The following STEAP2 variants were observed in gnomAD, a reference collection of about 807,000 sequenced individuals.
STEAP2 encodes metalloreductase STEAP2.
STEAP2 carries 30 observed loss-of-function variants against 46.4 expected under a neutral mutation model. The observed-to-expected ratio is 0.65, with a 90% CI of 0.48 to 0.88. The LOEUF (loss-of-function observed/expected upper bound fraction) is 0.88. STEAP2 is among the 40% of genes least tolerant of loss of function. The probability of loss-of-function intolerance (pLI) is 0.00; values close to 1 mark genes in which losing one functional copy is unlikely to be tolerated. For missense variants in STEAP2, 513 were observed against 579.3 expected (o/e 0.89, Z 1.18); for synonymous variants, 180 against 200.5 (o/e 0.90, Z 0.86).
rs1379802002 is a variant in STEAP2, at chr7:90,232,621, G to A, written c.1470G>A (p.Met490Ile). ...PHVSPERVTVM is the reference protein window; with the variant it reads ...PHVSPERVTVI ...TCTCCCCGGAGAGGGTCACAGTAAT[G>A]TGATGACAAATGGTGTTCACAGCTG... The change falls in exon 6 of 6, where the codon ATG becomes ATA. Residue 490 changes from methionine to isoleucine, a missense_variant. Coordinates refer to ENST00000394621, the MANE Select transcript of STEAP2 (RefSeq NM_001244944.2). 6.2e-7 allele frequency: 1 copy of A among 1,606,456 alleles called. No individual in the cohort carries two copies. The highest frequency in any genetic ancestry group is 8.5e-7 in the Non-Finnish European group (1 of 1,175,960).
At chr7:90,220,284 T>G (rs534044191) in intron 2 of STEAP2, among the ~76,000 whole-genome samples, 2 of 151,922 alleles carry the variant, frequency 1.3e-5, no homozygotes, top group East Asian at 3.9e-4. Context: ...TTGTTGGGAG[T>G]TTTTTAATTA....
rs1194179619 is a variant in STEAP2, at chr7:90,235,970, CTTGA to C, written c.*3349_*3352del. On this transcript the variant is annotated 3_prime_UTR_variant, in exon 6 of 6. Coordinates refer to ENST00000394621, the MANE Select transcript of STEAP2 (RefSeq NM_001244944.2). ...TTCTTATAAAGCAGCATAACCTTGGCTTGATTAAGGAATTCTACTTTCAAAAATT... is the reference window on the plus strand; with the variant it reads ...TTCTTATAAAGCAGCATAACCTTGGCTTAAGGAATTCTACTTTCAAAAATT... 1.3e-5 allele frequency: 13 copies of C among 983,376 alleles called. No individual in the cohort carries two copies. In the African/African-American group the frequency reaches 2.3e-4, roughly 17 times the overall value. 60.9% of individuals were successfully genotyped at this position (983,376 alleles called of 1,614,324 possible).
chr7:90,235,022 CA>C lies in STEAP2; in HGVS notation c.*2400del. 3 of 957,984 alleles carry C rather than the reference CA, an allele frequency of 3.1e-6. No homozygotes were observed. The highest frequency in any genetic ancestry group is 2.5e-6 in the Non-Finnish European group (2 of 804,830). 59.3% of individuals were successfully genotyped at this position (957,984 alleles called of 1,614,324 possible). On this transcript the variant is annotated 3_prime_UTR_variant, in exon 6 of 6. Coordinates refer to ENST00000394621, the MANE Select transcript of STEAP2 (RefSeq NM_001244944.2). The stretch of plus-strand genomic sequence containing the variant: ...ACTAATGAAAATAACAGCGTATTTT[CA>C]ATATTTTCTTATTCCTTAAATTCCA...
intron 2 of STEAP2, among the ~76,000 whole-genome samples, chr7:90,223,064 C>T (rs1445115442): frequency 6.6e-6 from 1 of 152,142 alleles, no homozygotes; most frequent in Non-Finnish European, 1.5e-5. Context: ...AGTCTCTCAA[C>T]TAAAAAATAA....
At chr7:90,241,087 C>T (rs1039878608), downstream of STEAP2, among the ~76,000 whole-genome samples, 1 of 152,092 alleles carries the variant, frequency 6.6e-6, no homozygotes, top group Non-Finnish European at 1.5e-5. Flanking sequence ...GGAAAATCCA[C>T]GAATGGAATA....
At position 90,225,041 on chromosome 7, in the gene STEAP2, C is replaced by T; in HGVS notation, c.-33-9C>T. 9 of 1,576,794 alleles carry T rather than the reference C, an allele frequency of 5.7e-6. No homozygotes were observed. Among genetic ancestry groups the T allele is most frequent in the Non-Finnish European group, 7.7e-6 (9 of 1,163,182 alleles). On this transcript the variant is annotated splice_polypyrimidine_tract_variant and intron_variant, in intron 2 of 5. Coordinates refer to ENST00000394621, the MANE Select transcript of STEAP2 (RefSeq NM_001244944.2). ...GTAACTGATGACCATTTTATTTTCT[C>T]TCCCCTAGGATATTCTTGGTGATCT...
intron 2 of STEAP2, among the ~76,000 whole-genome samples, chr7:90,220,917 T>C (rs955871594): frequency 5.9e-5 from 9 of 152,140 alleles, no homozygotes; most frequent in Non-Finnish European, 1.5e-5. Flanking sequence ...GTTTAATCAT[T>C]TATTTTTACA....
At chr7:90,226,601 A>G (rs564872505) in intron 3 of STEAP2, among the ~76,000 whole-genome samples, 2 of 152,314 alleles carry the variant, frequency 1.3e-5, no homozygotes, top group East Asian at 3.9e-4. Flanking sequence ...GTAAATAGAA[A>G]CATGCAAATA....
At position 90,227,179 on chromosome 7, in the gene STEAP2, A is replaced by T. The variant is rs373117625; in HGVS notation, c.701A>T (p.Asp234Val). 1.2e-6 allele frequency: 2 copies of T among 1,613,588 alleles called. No homozygotes were observed. The highest frequency in any genetic ancestry group is 1.7e-6 in the Non-Finnish European group (2 of 1,179,834). ...TTTTTCCTTTATTCCTTTGTCAGAG[A>T]TGTGATTCATCCATATGCTAGAAAC... is the stretch of plus-strand genomic sequence containing the variant. ...TFFFLYSFVR[D>V]VIHPYARNQQ... The change falls in exon 4 of 6, where the codon GAT becomes GTT. Residue 234 changes from aspartate to valine, a missense_variant. Transcript: ENST00000394621.
rs1329770410 is a variant in STEAP2 at position 90,233,920 on chromosome 7, A to G, written c.*1296A>G. 4 of 985,218 alleles carry G rather than the reference A, an allele frequency of 4.1e-6. No homozygotes were observed. The highest frequency in any genetic ancestry group is 4.8e-6 in the Non-Finnish European group (4 of 829,882). 61.0% of individuals were successfully genotyped at this position (985,218 alleles called of 1,614,324 possible). On this transcript the variant is annotated 3_prime_UTR_variant, in exon 6 of 6. Coordinates refer to ENST00000394621, the MANE Select transcript of STEAP2 (RefSeq NM_001244944.2). ...ATAAACTTATTACTGCTTGTAGGGT[A>G]ATTCACAGTTACTTACCCTATTCTT...
chr7:90,234,909 C>A lies in STEAP2; in HGVS notation c.*2285C>A. 1 of 985,008 alleles carries A rather than the reference C, an allele frequency of 1.0e-6. No individual in the cohort carries two copies. Among genetic ancestry groups the A allele is most frequent in the Non-Finnish European group, 1.2e-6 (1 of 829,656 alleles). 61.0% of individuals were successfully genotyped at this position (985,008 alleles called of 1,614,324 possible). ...TTTTCTTTATTTTAATAATATTTCTCCCCACTTGAGAATCACTTGTTAGTT... is the reference window on the plus strand; with the variant it reads ...TTTTCTTTATTTTAATAATATTTCTACCCACTTGAGAATCACTTGTTAGTT... On this transcript the variant is annotated 3_prime_UTR_variant, in exon 6 of 6. Transcript: ENST00000394621.
In STEAP2 at chr7:90,234,876, G is replaced by A; in HGVS notation, c.*2252G>A. Reference sequence around the variant, plus strand: ...CTATTATCTTGTACTTTCTAACTGAGCCCTCTATTTTCTTTATTTTAATAA... The same window carrying A: ...CTATTATCTTGTACTTTCTAACTGAACCCTCTATTTTCTTTATTTTAATAA... On this transcript the variant is annotated 3_prime_UTR_variant, in exon 6 of 6. Coordinates refer to ENST00000394621, the MANE Select transcript of STEAP2 (RefSeq NM_001244944.2). 3.0e-5 allele frequency: 30 copies of A among 985,048 alleles called. No individual in the cohort carries two copies. Among genetic ancestry groups the A allele is most frequent in the Non-Finnish European group, 3.6e-5 (30 of 829,786 alleles). 61.0% of individuals were successfully genotyped at this position (985,048 alleles called of 1,614,324 possible). A position where few individuals can be genotyped will look rare whatever the true frequency, so the allele number is the denominator to read the frequency against.
intron 4 of STEAP2, among the ~76,000 whole-genome samples, chr7:90,228,712 A>G (rs1432117847): frequency 2.0e-5 from 3 of 152,106 alleles, no homozygotes; most frequent in East Asian, 1.9e-4. Flanking sequence ...ATCTTTGTCT[A>G]TCTTTTTCAC....
At position 90,235,629 on chromosome 7, in the gene STEAP2, C is replaced by T; in HGVS notation, c.*3005C>T. The T allele has an allele frequency of 3.4e-6, 3 of 876,234 alleles. No homozygotes were observed. Among genetic ancestry groups the T allele is most frequent in the Non-Finnish European group, 2.7e-6 (2 of 729,348 alleles). The allele number at this position is 876,234 out of a possible 1,614,324, so 54.3% of individuals were successfully genotyped here. ...CTTAATCCTATGCAAAAAAAAAAAT[C>T]AAGTAATTGTTTTCCTATGAGGAAA... On this transcript the variant is annotated 3_prime_UTR_variant, in exon 6 of 6. Coordinates refer to ENST00000394621, the MANE Select transcript of STEAP2 (RefSeq NM_001244944.2).
chr7:90,227,143 T>C lies in STEAP2; in HGVS notation c.665T>C (p.Leu222Ser). Reference protein sequence around the residue: ...WRGPVVVAISLATFFFLYSFV... With the variant: ...WRGPVVVAISSATFFFLYSFV... Reference sequence around the variant, plus strand: ...GGGCCAGTGGTGGTAGCTATAAGCTTGGCCACATTTTTTTTCCTTTATTCC... The same window carrying C: ...GGGCCAGTGGTGGTAGCTATAAGCTCGGCCACATTTTTTTTCCTTTATTCC... The change falls in exon 4 of 6, where the codon TTG (leucine) becomes TCG (serine). Residue 222 changes from leucine (L) to serine (S), a missense_variant. Coordinates refer to ENST00000394621, the MANE Select transcript of STEAP2 (RefSeq NM_001244944.2). 1 of 1,613,752 alleles carries C rather than the reference T, an allele frequency of 6.2e-7. No homozygotes were observed. Among genetic ancestry groups the C allele is most frequent in the Non-Finnish European group, 8.5e-7 (1 of 1,179,858 alleles).
At position 90,236,712 on chromosome 7, in the gene STEAP2, G is replaced by T. The variant is rs994774783; in HGVS notation, c.*4088G>T. On this transcript the variant is annotated 3_prime_UTR_variant, in exon 6 of 6. Transcript: ENST00000394621. ...TGTTTTGTTCAGCCTAACATACTGAGTTTTTTTTAACTTTCTAAATTATTG... is the reference window on the plus strand; with the variant it reads ...TGTTTTGTTCAGCCTAACATACTGATTTTTTTTTAACTTTCTAAATTATTG... 7.2e-7 allele frequency: 1 copy of T among 1,394,756 alleles called. No homozygotes were observed. 86.4% of individuals were successfully genotyped at this position (1,394,756 alleles called of 1,614,324 possible).
At position 90,236,098 on chromosome 7, in the gene STEAP2, A is replaced by G. The variant is rs1433816717; in HGVS notation, c.*3474A>G. ...CTTCAAGAATATATCCAATTTTTAA[A>G]TATTTTAATATATCTCCTATCTGAT... On this transcript the variant is annotated 3_prime_UTR_variant, in exon 6 of 6. Coordinates refer to ENST00000394621, the MANE Select transcript of STEAP2 (RefSeq NM_001244944.2). The G allele has an allele frequency of 1.6e-6, 1 of 644,632 alleles. No homozygotes were observed. The highest frequency in any genetic ancestry group is 2.0e-5 in the African/African-American group (1 of 50,526). The allele number at this position is 644,632 out of a possible 1,614,324, so 39.9% of individuals were successfully genotyped here.
rs527520577 is a variant in STEAP2 at position 90,237,247 on chromosome 7, G to A, written c.*4623G>A. 4 of 341,748 alleles carry A rather than the reference G, an allele frequency of 1.2e-5. No individual in the cohort carries two copies. Among genetic ancestry groups the A allele is most frequent in the Non-Finnish European group, 2.1e-5 (4 of 190,284 alleles). 21.2% of individuals were successfully genotyped at this position (341,748 alleles called of 1,614,324 possible). On this transcript the variant is annotated 3_prime_UTR_variant, in exon 6 of 6. Coordinates refer to ENST00000394621, the MANE Select transcript of STEAP2 (RefSeq NM_001244944.2). ...TGCATTTAAGCCATTGTAAATCTGG[G>A]TGTGTTACATGAAGTGAAAATTAAT...
intron 2 of STEAP2, among the ~76,000 whole-genome samples, chr7:90,221,518 TG>T (rs1042953776): frequency 5.9e-5 from 9 of 152,308 alleles, no homozygotes; most frequent in African/African-American, 1.9e-4. Context: ...ATATGTTAGA[TG>T]GGTTTCTTGT....
Sources: allele counts gnomAD v4.1 joint callset (sites outside exome capture counted in the v4.1 genomes callset), GRCh38; gene constraint gnomAD v4.1.1; transcripts MANE v1.5; gene names NCBI Gene and HGNC (gene_info 2026-07-23, HGNC 2026-07-21).